Variants in DNAAF9 observed in about 807,000 individuals in gnomAD.
DNAAF9 encodes shulin.
DNAAF9 carries 90 observed loss-of-function variants against 167.0 expected under a neutral mutation model. That is an observed-to-expected ratio of 0.54 (90% confidence interval 0.45 to 0.64). DNAAF9 has a LOEUF of 0.64. Ranked by LOEUF, DNAAF9 falls within the 30% of genes least tolerant of loss-of-function variation. The pLI is 0.00. For synonymous variants in DNAAF9, 491 were observed against 508.8 expected, an observed-to-expected ratio of 0.96 and a Z score of 0.47; for missense variants, 1,315 against 1,442.2, an observed-to-expected ratio of 0.91 and a Z score of 1.43.
At chr20:3,386,655 T>C (rs891543033) in intron 1 of DNAAF9, among the ~76,000 whole-genome samples, 1 of 152,098 alleles carries the variant, frequency 6.6e-6, no homozygotes, top group African/African-American at 2.4e-5. Context: ...TGAAAGACTC[T>C]GTTGAGAGAA....
intron 1 of DNAAF9, among the ~76,000 whole-genome samples, chr20:3,390,018 A>G (rs144833133): frequency 0.06 from 9,139 of 151,130 alleles, 368 homozygotes; most frequent in Non-Finnish European, 0.08. Context: ...CCTGGGCAAC[A>G]GAGCAAGACT....
At position 3,383,381 on chromosome 20, in the gene DNAAF9, G is replaced by A. The variant is rs148015787; in HGVS notation, c.84-875C>T. Among the ~76,000 whole-genome samples, 380 of 145,494 alleles carry A rather than the reference G, an allele frequency of 2.6e-3. 1 individual carries two copies. The highest frequency in any genetic ancestry group is 8.8e-3 in the African/African-American group (343 of 39,164). On this transcript the variant is annotated intron_variant, in intron 1 of 36. Transcript: ENST00000252032. ...CCTCCCAGGTTCAAGTGATTCTCCC[G>A]CCTCAGCCTCCCGAATAGCTGGGAT...
chr20:3,400,814 C>T (rs2083972596), intron 1 of DNAAF9, among the ~76,000 whole-genome samples: 1 of 152,150 alleles, frequency 6.6e-6, no homozygotes, highest in South Asian at 2.1e-4. Context: ...AAATAAGAGT[C>T]CTCAGTATAC....
intron 30 of DNAAF9, among the ~76,000 whole-genome samples, chr20:3,267,797 G>A (rs536347004): frequency 3.3e-5 from 5 of 151,918 alleles, no homozygotes; most frequent in African/African-American, 7.2e-5. Context: ...ATCGTGTCAC[G>A]GCACTCCAGC....
chr20:3,360,703 T>A (rs924857376), intron 6 of DNAAF9, among the ~76,000 whole-genome samples: 67 of 152,292 alleles, frequency 4.4e-4, no homozygotes, highest in African/African-American at 1.6e-3. Flanking sequence ...ATGCACCGGA[T>A]TCAAGGTTCT....
At chr20:3,316,996 G>T (rs930193719) in intron 17 of DNAAF9, among the ~76,000 whole-genome samples, 1 of 144,410 alleles carries the variant, frequency 6.9e-6, no homozygotes, top group African/African-American at 2.6e-5. Context: ...GCAAGTTCAA[G>T]CAACTCTCTT....
intron 1 of DNAAF9, among the ~76,000 whole-genome samples, chr20:3,406,698 G>C (rs1600944634): frequency 6.6e-6 from 1 of 152,182 alleles, no homozygotes; most frequent in African/African-American, 2.4e-5. Flanking sequence ...TTGGGACTGT[G>C]TCTCTACGGT....
intron 29 of DNAAF9, among the ~76,000 whole-genome samples, chr20:3,275,988 A>G (rs2068669885): frequency 6.6e-6 from 1 of 152,236 alleles, no homozygotes; most frequent in Non-Finnish European, 1.5e-5. Context: ...TCACACCAGC[A>G]TTATAATGAG....
intron 17 of DNAAF9, among the ~76,000 whole-genome samples, chr20:3,317,231 C>T (rs1478411971): frequency 1.3e-5 from 2 of 151,564 alleles, no homozygotes; most frequent in East Asian, 2.0e-4. Flanking sequence ...GGTGTGGTGG[C>T]GCATCTGTGG....
At chr20:3,392,097 C>T (rs959804540) in intron 1 of DNAAF9, among the ~76,000 whole-genome samples, 3 of 152,054 alleles carry the variant, frequency 2.0e-5, no homozygotes, top group Non-Finnish European at 2.9e-5. Context: ...TCACTTGAGC[C>T]CAGGAGTTCC....
At chr20:3,372,643 A>G (rs2123217712) in intron 6 of DNAAF9, among the ~76,000 whole-genome samples, 1 of 152,284 alleles carries the variant, frequency 6.6e-6, no homozygotes, top group South Asian at 2.1e-4. Flanking sequence ...ACTTCTTCCA[A>G]TGTGATTCTA....
intron 1 of DNAAF9, among the ~76,000 whole-genome samples, chr20:3,406,419 C>G (rs1265490661): frequency 6.6e-6 from 1 of 152,190 alleles, no homozygotes; most frequent in Non-Finnish European, 1.5e-5. Flanking sequence ...AAAACCCTCT[C>G]CTGTTTTAAT....
chr20:3,295,843 T>G (rs1055764369), intron 23 of DNAAF9: 11 of 938,006 alleles, frequency 1.2e-5, no homozygotes, highest in Admixed American at 3.5e-5. Context: ...ACAAAGAGTT[T>G]AATCCCCAAA....
intron 1 of DNAAF9, among the ~76,000 whole-genome samples, chr20:3,382,866 T>G (rs1247794767): frequency 1.3e-5 from 2 of 152,162 alleles, no homozygotes; most frequent in Admixed American, 1.3e-4. Context: ...TGAAGATTTT[T>G]CAAATAAGAG....
At chr20:3,283,525 T>G (rs1029601456) in intron 27 of DNAAF9, among the ~76,000 whole-genome samples, 8 of 152,350 alleles carry the variant, frequency 5.3e-5, no homozygotes, top group Admixed American at 5.2e-4. Context: ...CATGTATGTA[T>G]GACCACACGC....
chr20:3,345,604 G>C (rs999318880), intron 8 of DNAAF9, among the ~76,000 whole-genome samples: 4 of 152,152 alleles, frequency 2.6e-5, no homozygotes, highest in African/African-American at 9.7e-5. Context: ...GGATCTAAAT[G>C]TAAAAATTCA....
Position 3,316,608 on chromosome 20 carries a change from C to T in DNAAF9, c.1539+115G>A, listed in dbSNP as rs559632190. The stretch of plus-strand genomic sequence containing the variant: ...GATCAAAAATTCCATTCCTGAACAA[C>T]AGCTAGTTCAGGACCTGACATCCCA... On this transcript the variant is annotated intron_variant, in intron 18 of 36. Coordinates refer to ENST00000252032, the MANE Select transcript of DNAAF9 (RefSeq NM_001009984.3). The T allele has an allele frequency of 4.5e-4, 291 of 640,164 alleles. No individual in the cohort carries two copies. In the African/African-American group the frequency reaches 4.7e-3, roughly 10 times the overall value. 39.7% of individuals were successfully genotyped at this position (640,164 alleles called of 1,614,324 possible).
intron 31 of DNAAF9, 77 bp downstream of exon 31, chr20:3,264,361 C>CTT: frequency 1.4e-4 from 81 of 595,070 alleles, no homozygotes; most frequent in Non-Finnish European, 1.6e-4. Context: ...CACCTTCTCT[C>CTT]TTTTTTTTTT....
intron 1 of DNAAF9, among the ~76,000 whole-genome samples, chr20:3,400,421 T>C (rs1027905642): frequency 1.3e-5 from 2 of 151,162 alleles, no homozygotes; most frequent in Non-Finnish European, 2.9e-5. Context: ...ACCAGGGTTA[T>C]ATGTAAGATC....
Sources: allele counts gnomAD v4.1 joint callset (sites outside exome capture counted in the v4.1 genomes callset), GRCh38; gene constraint gnomAD v4.1.1; transcripts MANE v1.5; gene names NCBI Gene and HGNC (gene_info 2026-07-23, HGNC 2026-07-21).